IGSF9B: variants seen among roughly 807,000 people sequenced by gnomAD.
IGSF9B encodes the protein immunoglobulin superfamily member 9B.
IGSF9B carries 48 observed loss-of-function variants against 143.7 expected under a neutral mutation model. That is an observed-to-expected ratio of 0.33 (90% CI 0.26 to 0.42). The LOEUF (loss-of-function observed/expected upper bound fraction) is 0.42. Ranked by LOEUF, IGSF9B falls within the 20% of genes least tolerant of loss-of-function variation. The pLI is 1.00. For missense variants in IGSF9B, 1,706 were observed against 1,980.0 expected, an observed-to-expected ratio of 0.86 and a Z score of 2.63; for synonymous variants, 903 against 833.1, an observed-to-expected ratio of 1.08 and a Z score of -1.44.
At chr11:133,942,974 A>G (rs954279639) in intron 3 of IGSF9B, among the ~76,000 whole-genome samples, 1 of 152,194 alleles carries the variant, frequency 6.6e-6, no homozygotes, top group Non-Finnish European at 1.5e-5. Context: ...TTGCTAAAAT[A>G]TAACATATTC....
chr11:133,920,637 T>A lies in IGSF9B; in HGVS notation c.3088A>T (p.Thr1030Ser). Residue 1030 changes from threonine to serine, a missense_variant, in exon 18 of 20, where the codon ACA (threonine) becomes TCA (serine). This residue lies in a region of IGSF9B where 880 missense variants were observed against 762.9 expected (regional missense o/e 1.15). Coordinates refer to ENST00000533871, the MANE Select transcript of IGSF9B (RefSeq NM_001277285.4). ...TCAGGGGAGCGCCCTCCTGTAGGTGTCTGAGTCAAGGGCAGCGTGCTGTTG... is the reference window on the plus strand; with the variant it reads ...TCAGGGGAGCGCCCTCCTGTAGGTGACTGAGTCAAGGGCAGCGTGCTGTTG... The part of the protein sequence containing the change: ...ASNSTLPLTQ[T>S]PTGGRSPEPW... 1 of 1,613,472 alleles carries A rather than the reference T, an allele frequency of 6.2e-7. No individual in the cohort carries two copies. Among genetic ancestry groups the A allele is most frequent in the Non-Finnish European group, 8.5e-7 (1 of 1,179,824 alleles).
At chr11:133,919,654 G>A (rs1728000254) in intron 18 of IGSF9B, 88 bp downstream of exon 18, 2 of 871,766 alleles carry the variant, frequency 2.3e-6, no homozygotes, top group South Asian at 7.0e-5. Flanking sequence ...CCTGTCGCCG[G>A]GCGGATGGAC....
chr11:133,925,883 C>G lies in IGSF9B; in HGVS notation c.1890G>C (p.Val630=), dbSNP rs375621485. The change falls in exon 14 of 20, where the codon GTG becomes GTC. Residue 630 remains valine (V), a synonymous_variant. Transcript: ENST00000533871. ...TGGCAGGCGGAAGCCAGGACAGGAG[C>G]ACACCCTGCTGAGTCCGATTGGCTA... ...CLIANRTQQG[V]LLSWLPPANH... The G allele has an allele frequency of 5.0e-5, 80 of 1,613,074 alleles. No individual in the cohort carries two copies. The African/African-American group carries it at 1.0e-3, about 21-fold the overall frequency.
Position 133,931,646 on chromosome 11 carries a change from G to C in IGSF9B, c.1251+9C>G. 1 of 1,608,628 alleles carries C rather than the reference G, an allele frequency of 6.2e-7. No individual in the cohort carries two copies. The highest frequency in any genetic ancestry group is 8.5e-7 in the Non-Finnish European group (1 of 1,176,748). ...GCTCATGGAGGCCGTCACAGCCCTGGGACCTCACCTTCAGGACAAGCCTCG... is the reference window on the plus strand; with the variant it reads ...GCTCATGGAGGCCGTCACAGCCCTGCGACCTCACCTTCAGGACAAGCCTCG... On this transcript the variant is annotated intron_variant, in intron 9 of 19. Transcript: ENST00000533871. This position sits in a 1 kb window ranked among gnomAD's most constrained non-coding sequence, Gnocchi z 7.7.
intron 1 of IGSF9B, among the ~76,000 whole-genome samples, chr11:133,955,271 C>T (rs1303190440): frequency 6.6e-6 from 1 of 152,214 alleles, no homozygotes; most frequent in Non-Finnish European, 1.5e-5. Context: ...ATCACCCTTG[C>T]CTCAGTGTTC....
At chr11:133,911,531 C>T (rs764989785) in intron 19 of IGSF9B, among the ~76,000 whole-genome samples, 10 of 152,094 alleles carry the variant, frequency 6.6e-5, no homozygotes, top group Non-Finnish European at 1.0e-4. Flanking sequence ...TTTGAAAACA[C>T]ACTAAAATAA....
At chr11:133,919,360 A>AC (rs1192987913) in intron 18 of IGSF9B, among the ~76,000 whole-genome samples, 1 of 151,826 alleles carries the variant, frequency 6.6e-6, no homozygotes, top group African/African-American at 2.4e-5. Context: ...TGTGTGGGCA[A>AC]CCCCCAGGAC....
At position 133,945,201 on chromosome 11, in the gene IGSF9B, C is replaced by A. The variant is rs1173299026; in HGVS notation, c.263-835G>T. On this transcript the variant is annotated intron_variant, in intron 2 of 19. Transcript: ENST00000533871. The surrounding 1 kb of genome is among the most constrained non-coding windows in gnomAD (Gnocchi z 4.6). Reference sequence around the variant, plus strand: ...TCACCCGCTCTTAGCTCACCCCTCACCGCAGCCAATATCACCACACCTCTG... The same window carrying A: ...TCACCCGCTCTTAGCTCACCCCTCAACGCAGCCAATATCACCACACCTCTG... Among the ~76,000 whole-genome samples the A allele has an allele frequency of 6.6e-6, 1 of 152,220 alleles. No individual in the cohort carries two copies. Among genetic ancestry groups the A allele is most frequent in the Non-Finnish European group, 1.5e-5 (1 of 68,034 alleles).
rs543880820 is a variant in IGSF9B at position 133,897,613 on chromosome 11, C to G, written c.*11456G>C. On this transcript the variant is annotated 3_prime_UTR_variant, in exon 20 of 20. Coordinates refer to ENST00000533871, the MANE Select transcript of IGSF9B (RefSeq NM_001277285.4). Reference sequence around the variant, plus strand: ...GGGAGCTCCTCACAGACAGGTTATACAGAGTGTAGAATATGTTCATATAAG... The same window carrying G: ...GGGAGCTCCTCACAGACAGGTTATAGAGAGTGTAGAATATGTTCATATAAG... 2 of 152,230 alleles carry G rather than the reference C, an allele frequency of 1.3e-5. No homozygotes were observed. The highest frequency in any genetic ancestry group is 3.9e-4 in the East Asian group (2 of 5,172). The allele number at this position is 152,230 out of a possible 1,614,324, so 9.4% of individuals were successfully genotyped here.
rs1473829383 is a variant in IGSF9B, at chr11:133,903,011, C to T, written c.*6058G>A. On this transcript the variant is annotated 3_prime_UTR_variant, in exon 20 of 20. Coordinates refer to ENST00000533871, the MANE Select transcript of IGSF9B (RefSeq NM_001277285.4). ...GAAAATGCAAGTCACCTCCCCAGCCCAACCCCCTGCCCTCCGAGATTCCCT... is the reference window on the plus strand; with the variant it reads ...GAAAATGCAAGTCACCTCCCCAGCCTAACCCCCTGCCCTCCGAGATTCCCT... Among the ~76,000 whole-genome samples, 1 of 152,096 alleles carries T rather than the reference C, an allele frequency of 6.6e-6. No homozygotes were observed. Among genetic ancestry groups the T allele is most frequent in the African/African-American group, 2.4e-5 (1 of 41,406 alleles).
intron 7 of IGSF9B, 86 bp from the exon 8 acceptor site, chr11:133,932,299 G>GGACA (rs899114961): frequency 3.6e-6 from 5 of 1,406,088 alleles, no homozygotes; most frequent in Non-Finnish European, 4.8e-6. Flanking sequence ...ACAGACACAG[G>GGACA]GACAGACAGA....
Position 133,907,497 on chromosome 11 carries a change from A to C in IGSF9B, c.*1572T>G, listed in dbSNP as rs1298303181. 6.6e-6 allele frequency among the ~76,000 whole-genome samples: 1 copy of C among 152,152 alleles called. No homozygotes were observed. Among genetic ancestry groups the C allele is most frequent in the African/African-American group, 2.4e-5 (1 of 41,436 alleles). ...AAATACTTCAAGGAACCTTCATTCT[A>C]AGCCAAGCCAGAAGGGGGGCTCCTA... On this transcript the variant is annotated 3_prime_UTR_variant, in exon 20 of 20. Coordinates refer to ENST00000533871, the MANE Select transcript of IGSF9B (RefSeq NM_001277285.4).
Position 133,931,881 on chromosome 11 carries a change from C to A in IGSF9B, c.1111-86G>T. ...GCTGGGTCCCAGCTGGGCCAGGCAG[C>A]ACGCAGGATAGTACAGGAGCTCCAG... On this transcript the variant is annotated intron_variant, in intron 8 of 19. Coordinates refer to ENST00000533871, the MANE Select transcript of IGSF9B (RefSeq NM_001277285.4). This position sits in a 1 kb window ranked among gnomAD's most constrained non-coding sequence, Gnocchi z 7.7. 1 of 1,564,304 alleles carries A rather than the reference C, an allele frequency of 6.4e-7. No homozygotes were observed. Among genetic ancestry groups the A allele is most frequent in the Non-Finnish European group, 8.6e-7 (1 of 1,157,174 alleles).
chr11:133,920,603 C>T lies in IGSF9B; in HGVS notation c.3122G>A (p.Gly1041Asp). ...PTGGRSPEPWGRPEFPFGGLE... is the reference protein window; with the variant it reads ...PTGGRSPEPWDRPEFPFGGLE... Reference sequence around the variant, plus strand: ...CCCCCCGAAGGGGAATTCTGGCCGGCCCCAGGGCTCAGGGGAGCGCCCTCC... The same window carrying T: ...CCCCCCGAAGGGGAATTCTGGCCGGTCCCAGGGCTCAGGGGAGCGCCCTCC... The change falls in exon 18 of 20, where the codon GGC (glycine) becomes GAC (aspartate). Residue 1041 changes from glycine (G) to aspartate (D), a missense_variant. Coordinates refer to ENST00000533871, the MANE Select transcript of IGSF9B (RefSeq NM_001277285.4). 1 of 1,613,402 alleles carries T rather than the reference C, an allele frequency of 6.2e-7. No individual in the cohort carries two copies. Among genetic ancestry groups the T allele is most frequent in the South Asian group, 1.1e-5 (1 of 91,080 alleles).
In IGSF9B at chr11:133,899,512, C is replaced by G. The variant is rs1939082059; in HGVS notation, c.*9557G>C. The G allele has an allele frequency of 6.6e-6, 1 of 152,398 alleles. No homozygotes were observed. Among genetic ancestry groups the G allele is most frequent in the African/African-American group, 2.4e-5 (1 of 41,468 alleles). The allele number at this position is 152,398 out of a possible 1,614,324, so 9.4% of individuals were successfully genotyped here. Reference sequence around the variant, plus strand: ...TATGGCCCCATCTTCCCTTTCCCTCCCCAAAATGAAGAGTCCTGTTGGAGG... The same window carrying G: ...TATGGCCCCATCTTCCCTTTCCCTCGCCAAAATGAAGAGTCCTGTTGGAGG... On this transcript the variant is annotated 3_prime_UTR_variant, in exon 20 of 20. Transcript: ENST00000533871.
At chr11:133,951,016 T>C (rs908043971) in intron 1 of IGSF9B, among the ~76,000 whole-genome samples, 2 of 151,790 alleles carry the variant, frequency 1.3e-5, no homozygotes, top group African/African-American at 4.8e-5. Flanking sequence ...CAGCCCCCAA[T>C]AGTCCCCCAA....
rs1428427975 is a variant in IGSF9B, at chr11:133,922,620, C to G, written c.2230G>C (p.Ala744Pro). 6.2e-7 allele frequency: 1 copy of G among 1,608,158 alleles called. No individual in the cohort carries two copies. The highest frequency in any genetic ancestry group is 8.5e-7 in the Non-Finnish European group (1 of 1,177,388). Residue 744 changes from alanine to proline, a missense_variant, in exon 16 of 20, where the codon GCT becomes CCT. Coordinates refer to ENST00000533871, the MANE Select transcript of IGSF9B (RefSeq NM_001277285.4). ...LAAAILFSTL[A>P]ACFVNKQRKR... ...CGCTGCTTGTTGACAAAGCAGGCAG[C>G]CAGGGTGCTGAACAGGATGGCAGCT...
Position 133,945,450 on chromosome 11 carries a change from G to A in IGSF9B, c.262+611C>T, listed in dbSNP as rs992814956. Reference sequence around the variant, plus strand: ...CTTCCTTTCAACCCCAACAACGCTCGCTCAATGACACGCACACGCACGCAC... The same window carrying A: ...CTTCCTTTCAACCCCAACAACGCTCACTCAATGACACGCACACGCACGCAC... On this transcript the variant is annotated intron_variant, in intron 2 of 19. Coordinates refer to ENST00000533871, the MANE Select transcript of IGSF9B (RefSeq NM_001277285.4). This position sits in a 1 kb window ranked among gnomAD's most constrained non-coding sequence, Gnocchi z 4.6. 2.6e-5 allele frequency among the ~76,000 whole-genome samples: 4 copies of A among 152,124 alleles called. No individual in the cohort carries two copies. Among genetic ancestry groups the A allele is most frequent in the African/African-American group, 7.2e-5 (3 of 41,452 alleles).
At position 133,902,266 on chromosome 11, in the gene IGSF9B, TCA is replaced by T. The variant is rs374552989; in HGVS notation, c.*6801_*6802del. On this transcript the variant is annotated 3_prime_UTR_variant, in exon 20 of 20. Coordinates refer to ENST00000533871, the MANE Select transcript of IGSF9B (RefSeq NM_001277285.4). Reference sequence around the variant, plus strand: ...CACTCAACACACCACACACACTGCATCACACACACACACACCAGACACATCAC... The same window carrying T: ...CACTCAACACACCACACACACTGCATCACACACACACACCAGACACATCAC... Among the ~76,000 whole-genome samples the T allele has an allele frequency of 1.1e-3, 125 of 113,370 alleles. 1 individual carries two copies. Among genetic ancestry groups the T allele is most frequent in the Middle Eastern group, 7.8e-3 (1 of 128 alleles). 74.4% of individuals were successfully genotyped at this position (113,370 alleles called of 152,430 possible).
Sources: gnomAD v4.1 joint callset for allele counts (sites outside exome capture counted in the v4.1 genomes callset) on GRCh38, gnomAD v4.1.1 for gene constraint, gnomAD v4.1.1 regional missense constraint, Gnocchi (gnomAD v3.1) non-coding constraint, MANE v1.5 for transcripts, NCBI Gene and HGNC (gene_info 2026-07-23, HGNC 2026-07-21) for gene names.